KIAA1328: variants seen among roughly 807,000 people sequenced by gnomAD.
The protein encoded by KIAA1328 is protein hinderin.
In KIAA1328, 52 loss-of-function variants were observed where a neutral mutation model predicts 68.1. That is an observed-to-expected ratio of 0.76 (90% CI 0.61 to 0.96). The LOEUF (loss-of-function observed/expected upper bound fraction) is 0.96. KIAA1328 is among the 40% of genes least tolerant of loss of function. KIAA1328 has a pLI of 0.00. For missense variants in KIAA1328, 641 were observed against 677.6 expected, an observed-to-expected ratio of 0.95 and a Z score of 0.60; for synonymous variants, 232 against 239.4, an observed-to-expected ratio of 0.97 and a Z score of 0.28.
chr18:37,059,669 C>T (rs1265797384), intron 6 of KIAA1328, among the ~76,000 whole-genome samples: 1 of 152,110 alleles, frequency 6.6e-6, no homozygotes, highest in South Asian at 2.1e-4. Context: ...TACCATTTGA[C>T]CCAGCAGTCC....
intron 9 of KIAA1328, among the ~76,000 whole-genome samples, chr18:37,192,904 G>A (rs1345535631): frequency 6.6e-6 from 1 of 152,148 alleles, no homozygotes; most frequent in Admixed American, 6.5e-5. Context: ...CTGTAGCTTT[G>A]TCTGCACACA....
At chr18:36,911,574 TA>T (rs1470714402) in intron 5 of KIAA1328, among the ~76,000 whole-genome samples, 1 of 152,140 alleles carries the variant, frequency 6.6e-6, no homozygotes, top group Non-Finnish European at 1.5e-5. Context: ...TTTACTTTCT[TA>T]CAGAGTAAGC....
chr18:36,845,217 C>A (rs938652177), intron 4 of KIAA1328, among the ~76,000 whole-genome samples: 1 of 151,722 alleles, frequency 6.6e-6, no homozygotes, highest in Non-Finnish European at 1.5e-5. Context: ...TGATATGCTA[C>A]CTGAGATAAG....
At chr18:37,055,600 G>A (rs917436378) in intron 6 of KIAA1328, among the ~76,000 whole-genome samples, 8 of 152,108 alleles carry the variant, frequency 5.3e-5, no homozygotes, top group Non-Finnish European at 1.2e-4. Flanking sequence ...TTGACGACTG[G>A]TCCATATATG....
At chr18:37,083,156 G>A (rs72892511) in intron 7 of KIAA1328, among the ~76,000 whole-genome samples, 16,169 of 152,168 alleles carry the variant, frequency 0.11, 1,087 homozygotes, top group Non-Finnish European at 0.13. Flanking sequence ...CACTACTGCT[G>A]TAGAGGCTAC....
chr18:37,031,739 T>C (rs1321028127), intron 6 of KIAA1328, among the ~76,000 whole-genome samples: 3 of 152,218 alleles, frequency 2.0e-5, no homozygotes, highest in African/African-American at 7.2e-5. Context: ...GATTTTTCAG[T>C]TTCATATTTA....
intron 6 of KIAA1328, among the ~76,000 whole-genome samples, chr18:37,062,644 A>G (rs1470353034): frequency 6.6e-6 from 1 of 152,090 alleles, no homozygotes. Context: ...TGTAGTAGAG[A>G]CAGGGTTTCA....
intron 7 of KIAA1328, 79 bp from the exon 8 acceptor site, chr18:37,160,121 C>T (rs2059245588): frequency 1.8e-6 from 2 of 1,107,436 alleles, no homozygotes; most frequent in African/African-American, 1.6e-5. Context: ...TGCATTTCAA[C>T]CCATACTGAA....
chr18:37,229,397 G>A (rs965339796), downstream of KIAA1328, among the ~76,000 whole-genome samples: 7 of 152,256 alleles, frequency 4.6e-5, no homozygotes, highest in Middle Eastern at 3.4e-3. Flanking sequence ...AATGAGGCCA[G>A]GTATACATCT....
intron 9 of KIAA1328, among the ~76,000 whole-genome samples, chr18:37,195,534 A>G (rs191589083): frequency 6.0e-4 from 91 of 152,288 alleles, no homozygotes; most frequent in African/African-American, 2.0e-3. Flanking sequence ...AGTTTTCCCA[A>G]CACCATTTAT....
chr18:37,003,097 A>G (rs187533817), intron 6 of KIAA1328, among the ~76,000 whole-genome samples: 1 of 152,124 alleles, frequency 6.6e-6, no homozygotes, highest in Non-Finnish European at 1.5e-5. Flanking sequence ...TGTGGAAAAA[A>G]CATTCTCTTC....
intron 9 of KIAA1328, among the ~76,000 whole-genome samples, chr18:37,191,105 A>G (rs1486849503): frequency 6.6e-6 from 1 of 152,124 alleles, no homozygotes; most frequent in Non-Finnish European, 1.5e-5. Flanking sequence ...CTATGTGGCT[A>G]CACTTGGTTT....
chr18:37,094,614 A>G (rs543045716), intron 7 of KIAA1328, among the ~76,000 whole-genome samples: 1 of 152,338 alleles, frequency 6.6e-6, no homozygotes, highest in South Asian at 2.1e-4. Flanking sequence ...TTACCACTAC[A>G]AAAATAAAAA....
chr18:37,136,451 A>G (rs145785095), intron 7 of KIAA1328, among the ~76,000 whole-genome samples: 317 of 152,346 alleles, frequency 2.1e-3, no homozygotes, highest in African/African-American at 7.6e-3. Context: ...GAATGAAATT[A>G]AAATATGGAT....
chr18:36,840,429 C>CT (rs1488271695), intron 3 of KIAA1328, among the ~76,000 whole-genome samples: 7 of 150,426 alleles, frequency 4.7e-5, no homozygotes, highest in African/African-American at 1.7e-4. Flanking sequence ...TTTTCTTTTC[C>CT]TTTTTTCCAT....
chr18:37,129,310 A>C (rs888195176), intron 7 of KIAA1328, among the ~76,000 whole-genome samples: 1 of 152,228 alleles, frequency 6.6e-6, no homozygotes, highest in African/African-American at 2.4e-5. Flanking sequence ...AGTGGAAAAA[A>C]AAACCACGTG....
At chr18:37,169,845 C>G (rs184022063) in intron 8 of KIAA1328, among the ~76,000 whole-genome samples, 4 of 152,202 alleles carry the variant, frequency 2.6e-5, no homozygotes, top group Admixed American at 2.6e-4. Context: ...TTGTGCCTTA[C>G]AATTATGAGG....
chr18:37,073,958 C>G (rs1272345688), intron 7 of KIAA1328, among the ~76,000 whole-genome samples: 1 of 152,136 alleles, frequency 6.6e-6, no homozygotes, highest in Non-Finnish European at 1.5e-5. Flanking sequence ...TGGACATTTT[C>G]AGTTTATGGT....
At chr18:36,974,983 G>A (rs914098278) in intron 6 of KIAA1328, among the ~76,000 whole-genome samples, 3 of 152,072 alleles carry the variant, frequency 2.0e-5, no homozygotes, top group Non-Finnish European at 4.4e-5. Context: ...TATCGGTCAT[G>A]GTATATAAAC....
Sources: allele counts gnomAD v4.1 joint callset (sites outside exome capture counted in the v4.1 genomes callset), GRCh38; gene constraint gnomAD v4.1.1; transcripts MANE v1.5; gene names NCBI Gene and HGNC (gene_info 2026-07-23, HGNC 2026-07-21).